Variants in EXOC6 observed in about 807,000 individuals in gnomAD.
The protein encoded by EXOC6 is SEC15-like 1.
A neutral mutation model predicts 112.5 loss-of-function variants in EXOC6; 60 were observed. That is an observed-to-expected ratio of 0.53 (90% CI 0.43 to 0.66). The LOEUF (loss-of-function observed/expected upper bound fraction) is 0.66, where lower values mean the gene tolerates loss of function less well. Ranked by LOEUF, EXOC6 falls within the 30% of genes least tolerant of loss-of-function variation. The probability of loss-of-function intolerance (pLI) is 0.00; values close to 1 mark genes in which losing one functional copy is unlikely to be tolerated. For missense variants in EXOC6, 855 were observed against 957.1 expected (o/e 0.89, Z 1.41); for synonymous variants, 295 against 308.0 (o/e 0.96, Z 0.44).
chr10:92,873,657 A>G (rs929336230), intron 1 of EXOC6, among the ~76,000 whole-genome samples: 4 of 152,194 alleles, frequency 2.6e-5, no homozygotes, highest in African/African-American at 9.7e-5. Context: ...GCATTTTACG[A>G]GCACATATAG....
In EXOC6 at chr10:93,014,195, G is replaced by A; in HGVS notation, c.2097G>A (p.Leu699=). Residue 699 remains leucine (L), a splice_region_variant and synonymous_variant, in exon 20 of 22, where the codon TTG becomes TTA. Coordinates refer to ENST00000260762, the MANE Select transcript of EXOC6 (RefSeq NM_019053.6). ...QFNLDVIQCE[L]FASSEPVPGF... is the part of the protein sequence containing the mutation. ...CTTTTTTTTTCTTTCTTTTAATAGT[G>A]TTTGCCAGCTCTGAGCCTGTGCCAG... 6.2e-7 allele frequency: 1 copy of A among 1,609,016 alleles called. No individual in the cohort carries two copies. The highest frequency in any genetic ancestry group is 8.5e-7 in the Non-Finnish European group (1 of 1,177,220).
In EXOC6 at chr10:92,918,533, G is replaced by A. The variant is rs139263182; in HGVS notation, c.820-1449G>A. 3.9e-3 allele frequency among the ~76,000 whole-genome samples: 587 copies of A among 151,856 alleles called. 4 individuals are homozygous for A. Among genetic ancestry groups the A allele is most frequent in the African/African-American group, 0.013 (540 of 41,406 alleles). On this transcript the variant is annotated intron_variant, in intron 7 of 21. Transcript: ENST00000260762. ...ATGTTCAAATGCTCCTCCTGCTTCAGCCTCCCAAGTAGTTGGAACTACAGG... is the reference window on the plus strand; with the variant it reads ...ATGTTCAAATGCTCCTCCTGCTTCAACCTCCCAAGTAGTTGGAACTACAGG...
chr10:92,975,171 G>GC (rs1305676532), intron 18 of EXOC6, among the ~76,000 whole-genome samples: 8 of 151,758 alleles, frequency 5.3e-5, no homozygotes, highest in African/African-American at 1.9e-4. Context: ...GAGCGTCTCT[G>GC]CCTGGCCGCC....
intron 1 of EXOC6, among the ~76,000 whole-genome samples, chr10:92,852,417 T>G (rs1847396019): frequency 6.6e-6 from 1 of 151,738 alleles, no homozygotes; most frequent in Admixed American, 6.6e-5. Context: ...AAGACATAAC[T>G]AGAAAAGGAA....
intron 18 of EXOC6, among the ~76,000 whole-genome samples, chr10:92,984,504 T>G (rs2095439181): frequency 6.6e-6 from 1 of 152,106 alleles, no homozygotes; most frequent in African/African-American, 2.4e-5. Context: ...GTTTCTTGGA[T>G]CCCAGGCTTC....
At chr10:92,856,606 T>C (rs759172471) in intron 1 of EXOC6, among the ~76,000 whole-genome samples, 6 of 152,334 alleles carry the variant, frequency 3.9e-5, no homozygotes, top group African/African-American at 1.4e-4. Context: ...TTTTATTGCC[T>C]AACATAGTCT....
chr10:93,030,922 T>G (rs1022418658), intron 20 of EXOC6, among the ~76,000 whole-genome samples: 1 of 152,120 alleles, frequency 6.6e-6, no homozygotes, highest in Non-Finnish European at 1.5e-5. Context: ...CAATCTAATT[T>G]TTGCCAAAAT....
chr10:92,922,652 A>G (rs1851511070), intron 8 of EXOC6, among the ~76,000 whole-genome samples: 1 of 152,220 alleles, frequency 6.6e-6, no homozygotes, highest in African/African-American at 2.4e-5. Context: ...TTCTCTTTGG[A>G]AAATGCTGCA....
At chr10:92,932,265 G>A (rs1432552763) in intron 9 of EXOC6, among the ~76,000 whole-genome samples, 1 of 152,108 alleles carries the variant, frequency 6.6e-6, no homozygotes, top group Non-Finnish European at 1.5e-5. Context: ...AGGACAGAAT[G>A]GGATCAGTGG....
intron 12 of EXOC6, among the ~76,000 whole-genome samples, chr10:92,939,154 G>A (rs7909191): frequency 0.78 from 118,974 of 151,914 alleles, 47,859 homozygotes; most frequent in East Asian, 1. Flanking sequence ...TAAGCATTTT[G>A]TAGTTTTTAG....
At chr10:92,860,508 G>A (rs993632655) in intron 1 of EXOC6, among the ~76,000 whole-genome samples, 30 of 151,896 alleles carry the variant, frequency 2.0e-4, no homozygotes, top group Admixed American at 3.3e-4. Flanking sequence ...TGATCCACCC[G>A]CCTCGGCCTC....
intron 1 of EXOC6, among the ~76,000 whole-genome samples, chr10:92,887,098 T>G (rs1424656258): frequency 6.6e-6 from 1 of 152,200 alleles, no homozygotes; most frequent in African/African-American, 2.4e-5. Flanking sequence ...TCTTTCCAAA[T>G]TGTCAGGCTG....
At chr10:93,031,991 G>A (rs777702449) in intron 20 of EXOC6, among the ~76,000 whole-genome samples, 1 of 152,156 alleles carries the variant, frequency 6.6e-6, no homozygotes, top group Non-Finnish European at 1.5e-5. Context: ...TTAGCCATAG[G>A]CATTACACAT....
intron 20 of EXOC6, among the ~76,000 whole-genome samples, chr10:93,031,486 CTTTCT>C (rs1845268095): frequency 7.1e-6 from 1 of 141,362 alleles, no homozygotes; most frequent in African/African-American, 2.6e-5. Context: ...CATGCGTTTT[CTTTCT>C]TTTCTTTTTT....
chr10:92,914,506 TGTTA>T (rs1197612713), intron 6 of EXOC6, among the ~76,000 whole-genome samples: 1 of 152,208 alleles, frequency 6.6e-6, no homozygotes, highest in African/African-American at 2.4e-5. Context: ...CTGTGTGAAT[TGTTA>T]GTTTTGTGCA....
chr10:92,898,715 G>A (rs1358884983), intron 4 of EXOC6, among the ~76,000 whole-genome samples: 1 of 152,154 alleles, frequency 6.6e-6, no homozygotes, highest in Non-Finnish European at 1.5e-5. Context: ...GTCCTGTGAA[G>A]CGACAGAGTC....
intron 1 of EXOC6, among the ~76,000 whole-genome samples, chr10:92,851,777 ATAT>A (rs1363846691): frequency 4.6e-5 from 7 of 151,840 alleles, no homozygotes; most frequent in Non-Finnish European, 2.9e-5. Flanking sequence ...AGGTTAAGAA[ATAT>A]TATGAATAGG....
At position 92,829,609 on chromosome 10, in the gene EXOC6, A is replaced by G. The variant is rs944689915; in HGVS notation, c.-27+2665A>G. ...TAGAGGGGGCACCTGTGCCAATGAA[A>G]CACATGAACATGTCAGAAGCATTTG... is the stretch of plus-strand genomic sequence containing the variant. On this transcript the variant is annotated intron_variant, in intron 1 of 22. Transcript: ENST00000671701. 3.9e-5 allele frequency among the ~76,000 whole-genome samples: 6 copies of G among 152,226 alleles called. No homozygotes were observed. In the East Asian group the frequency reaches 5.8e-4, roughly 15 times the overall value.
At chr10:92,839,154 C>T (rs975447989) in intron 1 of EXOC6, among the ~76,000 whole-genome samples, 6 of 151,992 alleles carry the variant, frequency 3.9e-5, no homozygotes, top group Non-Finnish European at 7.4e-5. Flanking sequence ...AGTTTTGCTG[C>T]CCTAATCTTT....
Sources: gnomAD v4.1 joint callset for allele counts (sites outside exome capture counted in the v4.1 genomes callset) on GRCh38, gnomAD v4.1.1 for gene constraint, MANE v1.5 for transcripts, NCBI Gene and HGNC (gene_info 2026-07-23, HGNC 2026-07-21) for gene names.